STYK1: variants seen among roughly 807,000 people sequenced by gnomAD.
STYK1 encodes STY kinase 1.
Under a neutral mutation model 48.1 loss-of-function variants are expected in STYK1, and 46 were observed. That is an observed-to-expected ratio of 0.96 (90% CI 0.75 to 1.22). The LOEUF is 1.22. STYK1 is among the 50% of genes most tolerant of loss of function. STYK1 has a pLI of 0.00. For synonymous variants in STYK1, 188 were observed against 189.0 expected (o/e 0.99, Z 0.04); for missense variants, 527 against 521.1 (o/e 1.01, Z -0.11).
chr12:10,627,510 C>A, intron 7 of STYK1, 131 bp downstream of exon 7: 1 of 721,350 alleles, frequency 1.4e-6, no homozygotes, highest in Non-Finnish European at 2.2e-6. Context: ...GAGTTTCTGC[C>A]CCCTAACTTC....
rs147702530 is a variant in STYK1, at chr12:10,624,798, T to C, written c.779A>G (p.Gln260Arg). The change falls in exon 8 of 11, where the codon CAA becomes CGA. Residue 260 changes from glutamine to arginine, a missense_variant. Coordinates refer to ENST00000075503, the MANE Select transcript of STYK1 (RefSeq NM_018423.3). ...ACAGAGCTTAGCAGTGAGATCACTT[T>C]GCATCAGAATATTCCTGGCTGCCAC... ...GDVAARNILM[Q>R]SDLTAKLCGL... The C allele has an allele frequency of 1.2e-5, 20 of 1,614,054 alleles. No homozygotes were observed. The highest frequency in any genetic ancestry group is 1.6e-5 in the Non-Finnish European group (19 of 1,180,032).
At chr12:10,622,596 T>C (rs1078437) in intron 9 of STYK1, 42 bp downstream of exon 9, 574,955 of 1,610,550 alleles carry the variant, frequency 0.36, 104,615 homozygotes, top group Middle Eastern at 0.39. Context: ...CACGCTTGCA[T>C]ATTTGCATAC....
intron 1 of STYK1, among the ~76,000 whole-genome samples, chr12:10,638,642 G>C (rs886207907): frequency 5.9e-5 from 9 of 152,160 alleles, no homozygotes; most frequent in African/African-American, 2.2e-4. Context: ...CTCTTAATAA[G>C]TGGCATTTCT....
chr12:10,627,814 G>C, intron 6 of STYK1, 90 bp from the exon 7 acceptor site: 1 of 1,097,444 alleles, frequency 9.1e-7, no homozygotes, highest in East Asian at 2.6e-5. Flanking sequence ...ACTCTGAAAT[G>C]CAGTTATCAA....
chr12:10,669,321 G>A (rs1383648533), intron 1 of STYK1, among the ~76,000 whole-genome samples: 2 of 152,098 alleles, frequency 1.3e-5, no homozygotes, highest in Admixed American at 6.5e-5. Context: ...GTTTCTGTTC[G>A]ATAGGGACAC....
At chr12:10,661,130 AG>A (rs1478542544) in intron 1 of STYK1, among the ~76,000 whole-genome samples, 3 of 152,162 alleles carry the variant, frequency 2.0e-5, no homozygotes, top group African/African-American at 7.2e-5. Context: ...AAACGTCTCA[AG>A]AAAAAAGTAA....
chr12:10,630,049 GAGAGAGAGAGAGAGA>G (rs1947406418), intron 5 of STYK1, among the ~76,000 whole-genome samples: 1 of 2,096 alleles, frequency 4.8e-4, no homozygotes, highest in Non-Finnish European at 2.6e-3. Context: ...GAGAGAGAGA[GAGAGAGAGAGAGAGA>G]GAGAGAGAGA....
chr12:10,620,075 T>C lies in STYK1; in HGVS notation c.*69A>G. 2 of 1,548,590 alleles carry C rather than the reference T, an allele frequency of 1.3e-6. No individual in the cohort carries two copies. Among genetic ancestry groups the C allele is most frequent in the Non-Finnish European group, 1.8e-6 (2 of 1,122,502 alleles). On this transcript the variant is annotated 3_prime_UTR_variant, in exon 11 of 11. Coordinates refer to ENST00000075503, the MANE Select transcript of STYK1 (RefSeq NM_018423.3). ...CCTTTGTGTCCCTGGGAAAGACCATTCTCTGTTCTTAGAGGAATTGATTCC... is the reference window on the plus strand; with the variant it reads ...CCTTTGTGTCCCTGGGAAAGACCATCCTCTGTTCTTAGAGGAATTGATTCC...
At chr12:10,655,317 C>T (rs577542759) in intron 1 of STYK1, among the ~76,000 whole-genome samples, 1 of 152,262 alleles carries the variant, frequency 6.6e-6, no homozygotes, top group South Asian at 2.1e-4. Context: ...TTTCTGCCAT[C>T]CAGAGGACAG....
At chr12:10,651,386 T>C (rs1173449463) in intron 1 of STYK1, among the ~76,000 whole-genome samples, 2 of 152,194 alleles carry the variant, frequency 1.3e-5, no homozygotes, top group Non-Finnish European at 2.9e-5. Context: ...CTCCTACTGT[T>C]ATAATTAGTT....
At chr12:10,651,696 T>C (rs74060473) in intron 1 of STYK1, among the ~76,000 whole-genome samples, 2 of 152,146 alleles carry the variant, frequency 1.3e-5, no homozygotes, top group Non-Finnish European at 2.9e-5. Context: ...CTATGTAACA[T>C]CAATATGATA....
At chr12:10,651,152 G>A (rs996203718) in intron 1 of STYK1, among the ~76,000 whole-genome samples, 7 of 152,124 alleles carry the variant, frequency 4.6e-5, no homozygotes, top group Admixed American at 4.6e-4. Context: ...GACCACGCTG[G>A]AGCCCAACAG....
intron 1 of STYK1, among the ~76,000 whole-genome samples, chr12:10,659,043 T>C (rs1291872323): frequency 1.3e-5 from 2 of 152,186 alleles, no homozygotes; most frequent in Non-Finnish European, 1.5e-5. Flanking sequence ...CTTTGGAGAT[T>C]GTGACATTAG....
At chr12:10,621,239 C>T (rs1049914842) in intron 10 of STYK1, among the ~76,000 whole-genome samples, 1 of 152,110 alleles carries the variant, frequency 6.6e-6, no homozygotes, top group African/African-American at 2.4e-5. Context: ...TAATAACAGT[C>T]TATGTAATTT....
chr12:10,662,095 T>A (rs1447172257), intron 1 of STYK1, among the ~76,000 whole-genome samples: 1 of 152,240 alleles, frequency 6.6e-6, no homozygotes, highest in South Asian at 2.1e-4. Flanking sequence ...GGACATTTCA[T>A]ATAAATTGAC....
At chr12:10,642,688 C>T (rs773214662) in intron 1 of STYK1, among the ~76,000 whole-genome samples, 1 of 152,108 alleles carries the variant, frequency 6.6e-6, no homozygotes, top group Non-Finnish European at 1.5e-5. Flanking sequence ...AAAGTTAATG[C>T]AGGATTTAAA....
chr12:10,643,904 T>C (rs1947572251), intron 1 of STYK1, among the ~76,000 whole-genome samples: 1 of 152,186 alleles, frequency 6.6e-6, no homozygotes, highest in Admixed American at 6.5e-5. Context: ...TGCTAAACAT[T>C]GCTTGTTTTA....
intron 1 of STYK1, among the ~76,000 whole-genome samples, chr12:10,662,243 C>CAG (rs35446460): frequency 0.56 from 85,108 of 151,902 alleles, 24,261 homozygotes; most frequent in East Asian, 0.77. Flanking sequence ...TGGATATACA[C>CAG]AGATTCTGTT....
chr12:10,634,123 G>A lies in STYK1; in HGVS notation c.54C>T (p.Val18=). The A allele has an allele frequency of 6.2e-7, 1 of 1,607,638 alleles. No homozygotes were observed. The highest frequency in any genetic ancestry group is 8.5e-7 in the Non-Finnish European group (1 of 1,178,606). Residue 18 remains valine, a splice_region_variant and synonymous_variant, in exon 4 of 11, where the codon GTC becomes GTT. Coordinates refer to ENST00000075503, the MANE Select transcript of STYK1 (RefSeq NM_018423.3). ...TCACTTCATACTGCTTCTCCTGGAT[G>A]ACTGGGTAGGCGATCACACAGGAAG... ...LECSLSDKLC[V]IQEKQYEVII...
Sources: gnomAD v4.1 joint callset for allele counts (sites outside exome capture counted in the v4.1 genomes callset) on GRCh38, gnomAD v4.1.1 for gene constraint, MANE v1.5 for transcripts, NCBI Gene and HGNC (gene_info 2026-07-23, HGNC 2026-07-21) for gene names.